The following TVP23A variants were observed in gnomAD, a reference collection of about 807,000 sequenced individuals.
The protein encoded by TVP23A is trans-golgi network vesicle protein 23 homolog A, also known as Golgi apparatus membrane protein TVP23 homolog A.
TVP23A carries 21 observed loss-of-function variants against 31.7 expected under a neutral mutation model. That is an observed-to-expected ratio of 0.66 (90% CI 0.47 to 0.95). The LOEUF (loss-of-function observed/expected upper bound fraction) is 0.95. Among genes scored for constraint, TVP23A ranks in the 40% least tolerant of loss-of-function variants. TVP23A has a pLI of 0.00. For missense variants in TVP23A, 279 were observed against 255.6 expected (o/e 1.09, Z -0.62); for synonymous variants, 104 against 96.0 (o/e 1.08, Z -0.49).
intron 2 of TVP23A, among the ~76,000 whole-genome samples, chr16:10,789,935 G>C (rs1040844512): frequency 1.3e-5 from 2 of 152,098 alleles, no homozygotes; most frequent in Non-Finnish European, 2.9e-5. Context: ...GACCTTCTAG[G>C]CTATAGATAA....
chr16:10,775,052 G>A lies in TVP23A; in HGVS notation c.134C>T (p.Ala45Val), dbSNP rs372709569. ...GTCGCAGCTCACGTAGGTGACGATGGCACTCACTCGGAAAAACAGGTGGAA... is the reference window on the plus strand; with the variant it reads ...GTCGCAGCTCACGTAGGTGACGATGACACTCACTCGGAAAAACAGGTGGAA... The part of the protein sequence containing the change: ...TFFHLFFRVS[A>V]IVTYVSCDWF... The change falls in exon 3 of 8, where the codon GCC becomes GTC. Residue 45 changes from alanine (A) to valine (V), a missense_variant. Coordinates refer to ENST00000299866, the MANE Select transcript of TVP23A (RefSeq NM_001079512.4). 7 of 1,611,438 alleles carry A rather than the reference G, an allele frequency of 4.3e-6. No homozygotes were observed. The highest frequency in any genetic ancestry group is 5.9e-6 in the Non-Finnish European group (7 of 1,178,840).
Position 10,813,907 on chromosome 16 carries a change from G to A in TVP23A, c.89+4196C>T, listed in dbSNP as rs537581191. ...CCAGCTACTCAGGAGGCTGAGGCAG[G>A]AGAATCACTTGAACCCGGGAGGCAG... On this transcript the variant is annotated intron_variant, in intron 2 of 7. Coordinates refer to ENST00000299866, the MANE Select transcript of TVP23A (RefSeq NM_001079512.4). Among the ~76,000 whole-genome samples, 7 of 143,138 alleles carry A rather than the reference G, an allele frequency of 4.9e-5. No homozygotes were observed. The East Asian group carries it at 1.3e-3, about 26-fold the overall frequency. The allele number at this position is 143,138 out of a possible 152,430, so 93.9% of individuals were successfully genotyped here.
chr16:10,800,165 A>C (rs1009066870), intron 2 of TVP23A: 1 of 152,008 alleles, frequency 6.6e-6, no homozygotes, highest in Non-Finnish European at 1.5e-5. Flanking sequence ...TCCTGGGCCA[A>C]GCCTGCCTTG....
chr16:10,771,807 A>G lies in TVP23A; in HGVS notation c.454-9T>C. 2 of 1,560,230 alleles carry G rather than the reference A, an allele frequency of 1.3e-6. No homozygotes were observed. Among genetic ancestry groups the G allele is most frequent in the Non-Finnish European group, 1.7e-6 (2 of 1,151,564 alleles). ...CCAGCAACCACCAGAGCCTGCACTCAGACAAAGAAAGCAAAGGTCACTTTT... is the reference window on the plus strand; with the variant it reads ...CCAGCAACCACCAGAGCCTGCACTCGGACAAAGAAAGCAAAGGTCACTTTT... On this transcript the variant is annotated splice_polypyrimidine_tract_variant and intron_variant, in intron 5 of 7. Coordinates refer to ENST00000299866, the MANE Select transcript of TVP23A (RefSeq NM_001079512.4).
In TVP23A at chr16:10,774,120, G is replaced by C. The variant is rs760128291; in HGVS notation, c.243C>G (p.Thr81=). Residue 81 remains threonine, a synonymous_variant, in exon 4 of 8, where the codon ACC becomes ACG. Coordinates refer to ENST00000299866, the MANE Select transcript of TVP23A (RefSeq NM_001079512.4). ...ATCGAAGGCCCACCAGGAGTCTTCCGGTTACATTCTGAGAACAATAGACAA... is the reference window on the plus strand; with the variant it reads ...ATCGAAGGCCCACCAGGAGTCTTCCCGTTACATTCTGAGAACAATAGACAA... The part of the protein sequence containing the change: ...SLDFWSVKNV[T]GRLLVGLRWW... 2 of 1,608,368 alleles carry C rather than the reference G, an allele frequency of 1.2e-6. No individual in the cohort carries two copies. The highest frequency in any genetic ancestry group is 2.7e-5 in the African/African-American group (2 of 74,834).
At chr16:10,776,492 C>T (rs1282313008) in intron 2 of TVP23A, among the ~76,000 whole-genome samples, 1 of 152,134 alleles carries the variant, frequency 6.6e-6, no homozygotes, top group Non-Finnish European at 1.5e-5. Flanking sequence ...GTTTCTGTTT[C>T]TTTCTGTGGT....
chr16:10,808,758 C>T (rs1226663630), intron 2 of TVP23A, among the ~76,000 whole-genome samples: 1 of 152,080 alleles, frequency 6.6e-6, no homozygotes, highest in African/African-American at 2.4e-5. Context: ...GCCTGGGCAA[C>T]AGAACAAGAT....
rs58142989 is a variant in TVP23A, at chr16:10,816,925, T to TCACA, written c.89+1174_89+1177dup. ...AAAAAGAAAGAGGCACAGGGAAACT[T>TCACA]CACACACACACACACACACACACAC... On this transcript the variant is annotated intron_variant, in intron 2 of 7. Coordinates refer to ENST00000299866, the MANE Select transcript of TVP23A (RefSeq NM_001079512.4). 3.5e-3 allele frequency among the ~76,000 whole-genome samples: 512 copies of TCACA among 145,902 alleles called. 2 individuals are homozygous for TCACA. Among genetic ancestry groups the TCACA allele is most frequent in the African/African-American group, 7.6e-3 (300 of 39,396 alleles).
intron 2 of TVP23A, among the ~76,000 whole-genome samples, chr16:10,809,642 A>G (rs2034104150): frequency 6.6e-6 from 1 of 152,236 alleles, no homozygotes; most frequent in South Asian, 2.1e-4. Flanking sequence ...AGCTGAGGAA[A>G]CATAGTTTTA....
At chr16:10,765,309 G>A (rs941159069), downstream of TVP23A, among the ~76,000 whole-genome samples, 2 of 141,256 alleles carry the variant, frequency 1.4e-5, no homozygotes, top group African/African-American at 5.3e-5. The surrounding 1 kb of genome is among the most constrained non-coding windows in gnomAD (Gnocchi z 4.0). Flanking sequence ...GGGTAACACA[G>A]GAAGATACCT....
chr16:10,792,166 A>G (rs1450628573), intron 2 of TVP23A, among the ~76,000 whole-genome samples: 1 of 152,174 alleles, frequency 6.6e-6, no homozygotes, highest in African/African-American at 2.4e-5. Flanking sequence ...ACTAGGAAGA[A>G]AGCTGTTCCC....
intron 2 of TVP23A, among the ~76,000 whole-genome samples, chr16:10,800,513 A>C (rs2033644767): frequency 6.6e-6 from 1 of 152,196 alleles, no homozygotes; most frequent in Non-Finnish European, 1.5e-5. Context: ...AATGTATGGC[A>C]TTCTAGAAAC....
At position 10,769,102 on chromosome 16, in the gene TVP23A, C is replaced by G. The variant is rs1255382632; in HGVS notation, c.*1-1G>C. On this transcript the variant is annotated splice_acceptor_variant, in intron 7 of 7. Transcript: ENST00000299866. LOFTEE classifies it low-confidence loss of function (3UTR_SPLICE). ...CAAAAGAAGAGAACCTCATCAGTTCCTGAAACGAGAGAATGTTCAGGACCA... is the reference window on the plus strand; with the variant it reads ...CAAAAGAAGAGAACCTCATCAGTTCGTGAAACGAGAGAATGTTCAGGACCA... The G allele has an allele frequency of 6.2e-7, 1 of 1,613,862 alleles. No individual in the cohort carries two copies. Among genetic ancestry groups the G allele is most frequent in the Non-Finnish European group, 8.5e-7 (1 of 1,179,938 alleles).
intron 2 of TVP23A, among the ~76,000 whole-genome samples, chr16:10,787,117 GGTGCAGGGAAA>G (rs2142975383): frequency 1.3e-5 from 2 of 152,244 alleles, no homozygotes; most frequent in Admixed American, 1.3e-4. Flanking sequence ...TGGCCAGCGT[GGTGCAGGGAAA>G]GCCAGAGGGT....
At chr16:10,765,936 G>A (rs565519423), downstream of TVP23A, 1 of 152,422 alleles carries the variant, frequency 6.6e-6, no homozygotes, top group South Asian at 2.1e-4. This position sits in a 1 kb window ranked among gnomAD's most constrained non-coding sequence, Gnocchi z 4.0. Flanking sequence ...GAAAGGAAGG[G>A]GTGGTTAACA....
chr16:10,762,581 T>A (rs145404578), downstream of TVP23A, among the ~76,000 whole-genome samples: 506 of 151,858 alleles, frequency 3.3e-3, 1 homozygote, highest in Middle Eastern at 6.8e-3. Context: ...CTGGGGCCCT[T>A]TAGTGGGGCT....
intron 6 of TVP23A, among the ~76,000 whole-genome samples, chr16:10,771,151 A>T (rs2031585250): frequency 1.3e-5 from 2 of 152,174 alleles, no homozygotes; most frequent in African/African-American, 4.8e-5. Flanking sequence ...GGGTGGGGTG[A>T]AGGTTGCACA....
chr16:10,804,382 G>C (rs2033846759), intron 2 of TVP23A, among the ~76,000 whole-genome samples: 1 of 152,224 alleles, frequency 6.6e-6, no homozygotes, highest in African/African-American at 2.4e-5. Context: ...CTGAGTGGGT[G>C]AGGGCCGAAG....
Position 10,803,664 on chromosome 16 carries a change from G to T in TVP23A, c.89+14439C>A, listed in dbSNP as rs376310415. 4.6e-4 allele frequency among the ~76,000 whole-genome samples: 70 copies of T among 152,260 alleles called. 1 individual carries two copies. The South Asian group carries it at 0.014, about 30-fold the overall frequency. ...TCTGACCCTTTAGTTGTGGGAGCTT[G>T]TCCCAGCAGGGTATCCATGAGGCTC... is the stretch of plus-strand genomic sequence containing the variant. On this transcript the variant is annotated intron_variant, in intron 2 of 7. Transcript: ENST00000299866.
Sources: allele counts gnomAD v4.1 joint callset (sites outside exome capture counted in the v4.1 genomes callset), GRCh38; gene constraint gnomAD v4.1.1; non-coding constraint Gnocchi (gnomAD v3.1); transcripts MANE v1.5; gene names NCBI Gene and HGNC (gene_info 2026-07-23, HGNC 2026-07-21).